The following MXRA8 variants were observed in gnomAD, a reference collection of about 807,000 sequenced individuals.
The protein encoded by MXRA8 is matrix remodeling-associated protein 8.
A neutral mutation model predicts 51.4 loss-of-function variants in MXRA8; 44 were observed. The ratio of observed to expected loss-of-function variants is 0.86; its 90% CI spans 0.67 to 1.10. The LOEUF (loss-of-function observed/expected upper bound fraction) is 1.10, where lower values mean the gene tolerates loss of function less well. MXRA8 is among the 50% of genes least tolerant of loss of function. The probability of loss-of-function intolerance (pLI) is 0.00; values close to 1 mark genes in which losing one functional copy is unlikely to be tolerated. For synonymous variants in MXRA8, 369 were observed against 293.5 expected (o/e 1.26, Z -2.63); for missense variants, 765 against 638.9 (o/e 1.20, Z -2.13).
upstream of MXRA8, chr1:1,359,603 G>C: frequency 1.0e-6 from 1 of 983,032 alleles, no homozygotes; most frequent in Non-Finnish European, 1.2e-6. Context: ...TCCTCAGACA[G>C]TGGGAAGCCC....
At chr1:1,354,585 T>G (rs924355123) in intron 5 of MXRA8, 76 bp from the exon 6 acceptor site, 73 of 1,563,550 alleles carry the variant, frequency 4.7e-5, no homozygotes, top group Middle Eastern at 2.3e-4. Flanking sequence ...CGGCCCCCGC[T>G]GGGATCCGCG....
chr1:1,354,419 G>GCCA lies in MXRA8; in HGVS notation c.1037_1039dup (p.Leu346_Ala347insVal). 2 of 1,612,452 alleles carry GCCA rather than the reference G, an allele frequency of 1.2e-6. No homozygotes were observed. The highest frequency in any genetic ancestry group is 1.7e-6 in the Non-Finnish European group (2 of 1,179,870). Reference sequence around the variant, plus strand: ...TAGCAGGATGAAGAGCAGCAGCGTGGCCAGCACGTAGCCCAGCTGCTGGAA... The same window carrying GCCA: ...TAGCAGGATGAAGAGCAGCAGCGTGGCCACCAGCACGTAGCCCAGCTGCTGGAA... On this transcript the variant is annotated inframe_insertion, in exon 6 of 10. Coordinates refer to ENST00000309212, the MANE Select transcript of MXRA8 (RefSeq NM_032348.4).
upstream of MXRA8, chr1:1,359,124 C>G: frequency 1.0e-6 from 1 of 985,438 alleles, no homozygotes; most frequent in Non-Finnish European, 1.2e-6. Context: ...ATGGACGCTG[C>G]CAGTCACTAG....
At chr1:1,361,572 G>A (rs1409467122), upstream of MXRA8, 2 of 478,124 alleles carry the variant, frequency 4.2e-6, no homozygotes, top group Admixed American at 6.8e-5. Flanking sequence ...GAGTGGTCTT[G>A]GGACGCCAGG....
At chr1:1,359,256 A>C (rs1193049096), upstream of MXRA8, 2 of 985,236 alleles carry the variant, frequency 2.0e-6, no homozygotes, top group African/African-American at 3.5e-5. Context: ...GCCCGCCTTT[A>C]GGGTGCAGCC....
chr1:1,357,005 C>A (rs1008814686), intron 1 of MXRA8, among the ~76,000 whole-genome samples: 8 of 151,032 alleles, frequency 5.3e-5, no homozygotes, highest in African/African-American at 2.0e-4. Context: ...CTGGCTGCAC[C>A]CAAGTCACCC....
Position 1,352,945 on chromosome 1 carries a change from G to T in MXRA8, c.*659C>A. 1 of 411,610 alleles carries T rather than the reference G, an allele frequency of 2.4e-6. No homozygotes were observed. The highest frequency in any genetic ancestry group is 2.1e-5 in the African/African-American group (1 of 47,992). 25.5% of individuals were successfully genotyped at this position (411,610 alleles called of 1,614,324 possible). ...TGGCTGAGAGCAAGGCTAGGGTAGG[G>T]ATGGGGCAGAGAAAGGGCAAGGGGT... On this transcript the variant is annotated 3_prime_UTR_variant, in exon 10 of 10. Transcript: ENST00000309212.
Position 1,354,501 on chromosome 1 carries a change from G to A in MXRA8, c.958C>T (p.Leu320=). Residue 320 remains leucine, a synonymous_variant, in exon 6 of 10, where the codon CTG becomes TTG. Coordinates refer to ENST00000309212, the MANE Select transcript of MXRA8 (RefSeq NM_032348.4). ...TTGATGACGTTGTGGCCGCGCGCCAGTGTGGGGTCTGCGGGGAACGCGGGG... is the reference window on the plus strand; with the variant it reads ...TTGATGACGTTGTGGCCGCGCGCCAATGTGGGGTCTGCGGGGAACGCGGGG... ...HSGAPGPDPT[L]ARGHNVINVI... The A allele has an allele frequency of 1.2e-6, 2 of 1,611,850 alleles. No homozygotes were observed. Among genetic ancestry groups the A allele is most frequent in the Non-Finnish European group, 1.7e-6 (2 of 1,179,608 alleles).
upstream of MXRA8, among the ~76,000 whole-genome samples, chr1:1,363,183 T>C (rs1644238942): frequency 6.6e-6 from 1 of 152,082 alleles, no homozygotes; most frequent in African/African-American, 2.4e-5. Flanking sequence ...CTCCAAGGGC[T>C]GAGGCAGAAG....
At position 1,355,117 on chromosome 1, in the gene MXRA8, C is replaced by G; in HGVS notation, c.514G>C (p.Glu172Gln). 6.6e-7 allele frequency: 1 copy of G among 1,508,382 alleles called. No individual in the cohort carries two copies. Among genetic ancestry groups the G allele is most frequent in the Non-Finnish European group, 8.8e-7 (1 of 1,141,644 alleles). The allele number at this position is 1,508,382 out of a possible 1,614,324, so 93.4% of individuals were successfully genotyped here. Residue 172 changes from glutamate to glutamine, a missense_variant, in exon 5 of 10, where the codon GAG (glutamate) becomes CAG (glutamine). By Grantham distance (29) the Glu-to-Gln change is conservative. Transcript: ENST00000309212. ...GCGCCGCGCGCCACCGCCAGCACCT[C>G]CTTCTCGCCGTCCCAGTAGGCGGGG... ...ATPAYWDGEKEVLAVARGAPA... is the reference protein window; with the variant it reads ...ATPAYWDGEKQVLAVARGAPA...
At position 1,353,043 on chromosome 1, in the gene MXRA8, A is replaced by C; in HGVS notation, c.*561T>G. Reference sequence around the variant, plus strand: ...TCAAGTCAGCAGGTCCCTGGGGAGAACAGATGGTGCCTGGAGTCCCACATG... The same window carrying C: ...TCAAGTCAGCAGGTCCCTGGGGAGACCAGATGGTGCCTGGAGTCCCACATG... On this transcript the variant is annotated 3_prime_UTR_variant, in exon 10 of 10. Transcript: ENST00000309212. 1 of 586,214 alleles carries C rather than the reference A, an allele frequency of 1.7e-6. No individual in the cohort carries two copies. The highest frequency in any genetic ancestry group is 2.9e-5 in the East Asian group (1 of 34,136). 36.3% of individuals were successfully genotyped at this position (586,214 alleles called of 1,614,324 possible).
At chr1:1,361,099 A>G, upstream of MXRA8, 1 of 687,402 alleles carries the variant, frequency 1.5e-6, no homozygotes, top group East Asian at 2.7e-5. Context: ...CACGACACAC[A>G]TGGAGACACG....
chr1:1,354,629 C>G, intron 5 of MXRA8, 53 bp downstream of exon 5: 1 of 1,540,310 alleles, frequency 6.5e-7, no homozygotes, highest in Non-Finnish European at 8.7e-7. Context: ...CGCAGAGCAA[C>G]CCCCGGTGGG....
chr1:1,363,157 C>T (rs2477784), upstream of MXRA8, among the ~76,000 whole-genome samples: 132,884 of 151,650 alleles, frequency 0.88, 58,590 homozygotes, highest in Non-Finnish European at 0.94. Flanking sequence ...GTGGTGTGCA[C>T]CTGTAGTCCG....
chr1:1,356,107 G>A, intron 2 of MXRA8, among the ~76,000 whole-genome samples: 1 of 98,284 alleles, frequency 1.0e-5, no homozygotes, highest in Non-Finnish European at 2.2e-5. Flanking sequence ...TTGGGGGGGT[G>A]TGGGCCCCTG....
chr1:1,354,130 G>T (rs946744085), intron 7 of MXRA8, 24 bp from the exon 8 acceptor site: 3 of 1,612,774 alleles, frequency 1.9e-6, no homozygotes, highest in Non-Finnish European at 2.5e-6. Flanking sequence ...GTGGGAGGAG[G>T]TTACAGCTGG....
chr1:1,356,867 CTGCCACCGTGCTGGGCTT>C (rs918015824), intron 1 of MXRA8, among the ~76,000 whole-genome samples, 163 bp from the exon 2 acceptor site: 3 of 152,154 alleles, frequency 2.0e-5, no homozygotes, highest in African/African-American at 7.2e-5. Context: ...ATAGCCCTCC[CTGCCACCGTGCTGGGCTT>C]TGGATGGCAC....
upstream of MXRA8, chr1:1,359,306 G>A: frequency 2.0e-6 from 2 of 985,410 alleles, no homozygotes; most frequent in Non-Finnish European, 2.4e-6. Context: ...CAAGCCTCCT[G>A]GAGAAAGGGG....
At position 1,354,873 on chromosome 1, in the gene MXRA8, C is replaced by T; in HGVS notation, c.758G>A (p.Gly253Asp). Residue 253 changes from glycine (G) to aspartate (D), a missense_variant, in exon 5 of 10, where the codon GGT (glycine) becomes GAT (aspartate). Physicochemically the swap from Gly to Asp is moderately conservative, Grantham distance 94. Coordinates refer to ENST00000309212, the MANE Select transcript of MXRA8 (RefSeq NM_032348.4). ...VAVGADAFER[G>D]DFSLRIEPLE... ...CGGCTCGATACGCAGTGAGAAGTCA[C>T]CGCGCTCAAAGGCATCCGCGCCCAC... 6.2e-7 allele frequency: 1 copy of T among 1,611,838 alleles called. No individual in the cohort carries two copies. The highest frequency in any genetic ancestry group is 8.5e-7 in the Non-Finnish European group (1 of 1,179,596).
Sources: gnomAD v4.1 joint callset for allele counts (sites outside exome capture counted in the v4.1 genomes callset) on GRCh38, gnomAD v4.1.1 for gene constraint, MANE v1.5 for transcripts, NCBI Gene and HGNC (gene_info 2026-07-23, HGNC 2026-07-21) for gene names.